Variants in CNTN6 observed in about 807,000 individuals in gnomAD.
CNTN6 encodes contactin-6.
CNTN6 carries 137 observed loss-of-function variants against 122.8 expected under a neutral mutation model. The observed-to-expected ratio is 1.12, with a 90% CI of 0.97 to 1.29. CNTN6 has a LOEUF of 1.29. Among genes scored for constraint, CNTN6 ranks in the 50% most tolerant of loss-of-function variants. The pLI, the probability that CNTN6 is intolerant of heterozygous loss-of-function variation, is 0.00. For missense variants in CNTN6, 1,634 were observed against 1,223.4 expected (o/e 1.34, Z -5.01); for synonymous variants, 570 against 426.0 (o/e 1.34, Z -4.16).
intron 1 of CNTN6, among the ~76,000 whole-genome samples, chr3:1,145,461 A>G (rs190352993): frequency 1.3e-4 from 18 of 142,214 alleles, no homozygotes; most frequent in Admixed American, 6.4e-4. Context: ...AAAGTCACAG[A>G]CCTTTTATCA....
At position 1,143,535 on chromosome 3, in the gene CNTN6, C is replaced by T. The variant is rs2092659997; in HGVS notation, c.-82-4392C>T. 2.0e-5 allele frequency among the ~76,000 whole-genome samples: 3 copies of T among 152,242 alleles called. No homozygotes were observed. The South Asian group carries it at 6.2e-4, about 32-fold the overall frequency. On this transcript the variant is annotated intron_variant, in intron 1 of 22. Coordinates refer to ENST00000446702, the MANE Select transcript of CNTN6 (RefSeq NM_001289080.2). ...AGAATTAATTCCTGTGGCTATTTTG[C>T]ATGTCAGTGACTAGCAGAAATTTTA...
Position 1,372,890 on chromosome 3 carries a change from A to G in CNTN6, c.1721A>G (p.Lys574Arg), listed in dbSNP as rs199530414. Residue 574 changes from lysine (K) to arginine (R), a missense_variant, in exon 14 of 23, where the codon AAA becomes AGA. By Grantham distance (26) the Lys-to-Arg change is conservative (BLOSUM62 2). Transcript: ENST00000446702. ...IRNIQLHHSG[K>R]YLCTVQTTLE... ...AATATTCAGTTACATCATTCAGGAA[A>G]ATATCTCTGCACAGTACAAACAACC... The G allele has an allele frequency of 4.2e-5, 68 of 1,610,738 alleles. No individual in the cohort carries two copies. Among genetic ancestry groups the G allele is most frequent in the Middle Eastern group, 1.6e-4 (1 of 6,076 alleles).
intron 2 of CNTN6, among the ~76,000 whole-genome samples, chr3:1,200,381 C>T (rs776404621): frequency 1.3e-5 from 2 of 152,172 alleles, no homozygotes; most frequent in Non-Finnish European, 2.9e-5. Flanking sequence ...ATCTACTGAG[C>T]ACTGCGTGGG....
chr3:1,331,418 A>C (rs1015144825), intron 11 of CNTN6, among the ~76,000 whole-genome samples: 1 of 152,008 alleles, frequency 6.6e-6, no homozygotes, highest in African/African-American at 2.4e-5. Context: ...AAATCCCTCA[A>C]GACATAGGAA....
chr3:1,358,701 T>A (rs769782240), intron 12 of CNTN6, among the ~76,000 whole-genome samples: 4 of 152,014 alleles, frequency 2.6e-5, no homozygotes, highest in Non-Finnish European at 4.4e-5. Context: ...CATCCCAACA[T>A]GAAACGTTCA....
At chr3:1,372,517 G>A in intron 13 of CNTN6, 43 bp downstream of exon 13, 2 of 1,470,456 alleles carry the variant, frequency 1.4e-6, no homozygotes, top group Non-Finnish European at 1.8e-6. Flanking sequence ...AATGAATCAA[G>A]TCTTTTACAT....
intron 2 of CNTN6, among the ~76,000 whole-genome samples, chr3:1,219,754 G>A (rs1381966342): frequency 6.6e-6 from 1 of 152,188 alleles, no homozygotes; most frequent in Non-Finnish European, 1.5e-5. Flanking sequence ...GGTGGATCAT[G>A]CCTGTAATCC....
At chr3:1,388,881 C>T (rs199874756) in intron 20 of CNTN6, among the ~76,000 whole-genome samples, 30,732 of 108,568 alleles carry the variant, frequency 0.28, 2,573 homozygotes, top group Non-Finnish European at 0.31. Flanking sequence ...TAAAAAGAAA[C>T]GAGCAAAGCC....
chr3:1,206,880 T>C lies in CNTN6; in HGVS notation c.56-13807T>C, dbSNP rs192302979. On this transcript the variant is annotated intron_variant, in intron 2 of 22. Transcript: ENST00000446702. ...TTTAGATTCTAGTCCATCACTCTCATAGGACACTCCTACAACATTGGCTAT... is the reference window on the plus strand; with the variant it reads ...TTTAGATTCTAGTCCATCACTCTCACAGGACACTCCTACAACATTGGCTAT... Among the ~76,000 whole-genome samples the C allele has an allele frequency of 6.6e-5, 10 of 152,272 alleles. No homozygotes were observed. The East Asian group carries it at 1.9e-3, about 29-fold the overall frequency.
intron 5 of CNTN6, among the ~76,000 whole-genome samples, chr3:1,282,981 CT>C (rs952888903): frequency 6.6e-6 from 1 of 151,188 alleles, no homozygotes; most frequent in African/African-American, 2.4e-5. Flanking sequence ...ACACAAAACT[CT>C]TTTTTTTTGA....
intron 2 of CNTN6, among the ~76,000 whole-genome samples, chr3:1,200,925 CT>C (rs1486672677): frequency 1.7e-5 from 2 of 119,434 alleles, no homozygotes; most frequent in Non-Finnish European, 3.9e-5. Context: ...TTCTTTCGTT[CT>C]TTTTTTCTTT....
At chr3:1,275,897 C>T (rs148518708) in intron 4 of CNTN6, among the ~76,000 whole-genome samples, 24 of 152,214 alleles carry the variant, frequency 1.6e-4, no homozygotes, top group African/African-American at 4.1e-4. Flanking sequence ...TCTCCTGCTG[C>T]GTGGTTTTGG....
chr3:1,387,214 G>A (rs1042275992), intron 20 of CNTN6, among the ~76,000 whole-genome samples: 1 of 152,142 alleles, frequency 6.6e-6, no homozygotes, highest in Non-Finnish European at 1.5e-5. Flanking sequence ...ACAAAGTGCT[G>A]TGGAACTGCA....
intron 20 of CNTN6, among the ~76,000 whole-genome samples, chr3:1,390,048 C>T (rs1693867534): frequency 6.6e-6 from 1 of 151,924 alleles, no homozygotes; most frequent in African/African-American, 2.4e-5. Context: ...CTCAGCTCTG[C>T]ACCAAGTGGA....
intron 1 of CNTN6, among the ~76,000 whole-genome samples, chr3:1,103,588 C>T (rs1316761131): frequency 6.6e-6 from 1 of 152,142 alleles, no homozygotes; most frequent in Non-Finnish European, 1.5e-5. Context: ...ACAACTTTCT[C>T]ATAGAAAAAG....
intron 2 of CNTN6, among the ~76,000 whole-genome samples, chr3:1,179,549 A>G (rs769771791): frequency 1.3e-5 from 2 of 151,986 alleles, no homozygotes; most frequent in Non-Finnish European, 2.9e-5. Flanking sequence ...CTGGGAAGGG[A>G]GTAGAGTTTT....
chr3:1,254,752 G>C (rs1233624891), intron 4 of CNTN6, among the ~76,000 whole-genome samples: 6 of 152,148 alleles, frequency 3.9e-5, no homozygotes, highest in Admixed American at 2.0e-4. Context: ...CAAGATGGAT[G>C]AAATTTCCAA....
chr3:1,232,563 A>C (rs2094365713), intron 4 of CNTN6, among the ~76,000 whole-genome samples: 1 of 152,240 alleles, frequency 6.6e-6, no homozygotes, highest in African/African-American at 2.4e-5. Flanking sequence ...TCCTCACAAT[A>C]ACCCTCTGAG....
At chr3:1,202,463 C>T (rs1159519432) in intron 2 of CNTN6, among the ~76,000 whole-genome samples, 3 of 119,802 alleles carry the variant, frequency 2.5e-5, no homozygotes, top group African/African-American at 9.1e-5. Context: ...TGGCGGGAAC[C>T]CCGGGGGGCG....
Sources: gnomAD v4.1 joint callset for allele counts (sites outside exome capture counted in the v4.1 genomes callset) on GRCh38, gnomAD v4.1.1 for gene constraint, MANE v1.5 for transcripts, NCBI Gene and HGNC (gene_info 2026-07-23, HGNC 2026-07-21) for gene names.